The following LRFN2 variants were observed in gnomAD, a reference collection of about 807,000 sequenced individuals.
LRFN2 encodes the protein leucine rich repeat and fibronectin type III domain containing 2.
A neutral mutation model predicts 37.3 loss-of-function variants in LRFN2; 18 were observed. The ratio of observed to expected loss-of-function variants is 0.48; its 90% CI spans 0.33 to 0.72. The LOEUF (loss-of-function observed/expected upper bound fraction) is 0.72. Among genes scored for constraint, LRFN2 ranks in the 30% least tolerant of loss-of-function variants. The pLI, the probability that LRFN2 is intolerant of heterozygous loss-of-function variation, is 0.02. For synonymous variants in LRFN2, 556 were observed against 466.6 expected (o/e 1.19, Z -2.47); for missense variants, 1,006 against 1,060.7 (o/e 0.95, Z 0.72).
rs533199339 is a variant in LRFN2 at position 40,517,719 on chromosome 6, G to C, written c.-19+69222C>G. ...AGTCTGTGCAAAGCCTAATTAGGGG[G>C]GTTAATTAGCAGCCTCTCCTCGCAC... On this transcript the variant is annotated intron_variant, in intron 1 of 2. Transcript: ENST00000338305. Among the ~76,000 whole-genome samples the C allele has an allele frequency of 2.5e-3, 379 of 152,262 alleles. 1 individual carries two copies. The highest frequency in any genetic ancestry group is 4.5e-3 in the Non-Finnish European group (303 of 68,022).
At chr6:40,400,014 C>A (rs1461247290) in intron 2 of LRFN2, among the ~76,000 whole-genome samples, 1 of 151,756 alleles carries the variant, frequency 6.6e-6, no homozygotes. Context: ...AGTGGTCCCT[C>A]TTCCTTAGCA....
intron 1 of LRFN2, among the ~76,000 whole-genome samples, chr6:40,473,976 G>A (rs1326689842): frequency 2.6e-5 from 4 of 152,190 alleles, no homozygotes; most frequent in Admixed American, 2.0e-4. Context: ...CTCACTCACC[G>A]GAATGCAAAC....
chr6:40,556,358 C>A (rs1766877944), intron 1 of LRFN2, among the ~76,000 whole-genome samples: 4 of 152,184 alleles, frequency 2.6e-5, no homozygotes, highest in Admixed American at 2.6e-4. Flanking sequence ...AGGGGCCCTT[C>A]TGCTCAGAAG....
At chr6:40,577,110 T>TCTC (rs1554145948) in intron 1 of LRFN2, among the ~76,000 whole-genome samples, 864 of 45,084 alleles carry the variant, frequency 0.019, 17 homozygotes, top group Middle Eastern at 0.038. Context: ...TTTCCTTTCT[T>TCTC]TTCTTTTTAG....
At chr6:40,545,536 C>A (rs940309471) in intron 1 of LRFN2, among the ~76,000 whole-genome samples, 1 of 152,128 alleles carries the variant, frequency 6.6e-6, no homozygotes, top group Non-Finnish European at 1.5e-5. Context: ...TGGGTTACTG[C>A]CTGCAGTGGA....
chr6:40,420,468 C>G (rs1763199144), intron 2 of LRFN2, among the ~76,000 whole-genome samples: 1 of 152,246 alleles, frequency 6.6e-6, no homozygotes, highest in African/African-American at 2.4e-5. Flanking sequence ...AGGAAAGCAG[C>G]CCCATCAGCT....
chr6:40,564,148 T>G (rs1365128268), intron 1 of LRFN2, among the ~76,000 whole-genome samples: 2 of 152,144 alleles, frequency 1.3e-5, no homozygotes, highest in South Asian at 2.1e-4. Flanking sequence ...CCAATGTGGG[T>G]TCAGCTGAGT....
At chr6:40,574,719 G>A (rs1581801675) in intron 1 of LRFN2, among the ~76,000 whole-genome samples, 1 of 152,190 alleles carries the variant, frequency 6.6e-6, no homozygotes, top group East Asian at 1.9e-4. Context: ...CGGAGAGAGA[G>A]CAGGGCCCCA....
intron 1 of LRFN2, among the ~76,000 whole-genome samples, chr6:40,467,346 G>T (rs1169469270): frequency 6.6e-6 from 1 of 152,086 alleles, no homozygotes; most frequent in Non-Finnish European, 1.5e-5. Flanking sequence ...AGGCCCAGCT[G>T]CCTGTGTCCT....
At chr6:40,557,359 G>A (rs935109538) in intron 1 of LRFN2, among the ~76,000 whole-genome samples, 1 of 152,202 alleles carries the variant, frequency 6.6e-6, no homozygotes, top group Non-Finnish European at 1.5e-5. Context: ...ACAGAGCTAT[G>A]GGGGTTCAGA....
At chr6:40,532,182 C>T (rs1478431216) in intron 1 of LRFN2, among the ~76,000 whole-genome samples, 1 of 152,214 alleles carries the variant, frequency 6.6e-6, no homozygotes, top group Non-Finnish European at 1.5e-5. Context: ...TTGGAGCTGC[C>T]TTCCCCTTTG....
chr6:40,440,205 AT>A (rs1236089885), intron 1 of LRFN2, among the ~76,000 whole-genome samples: 1 of 152,166 alleles, frequency 6.6e-6, no homozygotes, highest in Non-Finnish European at 1.5e-5. Context: ...TTAAACTTCT[AT>A]TGTGCAAGAT....
intron 2 of LRFN2, among the ~76,000 whole-genome samples, chr6:40,396,882 A>G (rs1172887357): frequency 6.6e-6 from 1 of 152,300 alleles, no homozygotes; most frequent in East Asian, 1.9e-4. Flanking sequence ...GTATTTGCCT[A>G]GCACTTACTT....
intron 2 of LRFN2, among the ~76,000 whole-genome samples, chr6:40,418,479 GCTGTGC>G (rs1380036871): frequency 6.6e-6 from 1 of 152,106 alleles, no homozygotes; most frequent in Non-Finnish European, 1.5e-5. Context: ...CTAGGCAAGA[GCTGTGC>G]CTGTCTTTTC....
chr6:40,577,807 A>AAATT (rs1189804426), intron 1 of LRFN2, among the ~76,000 whole-genome samples: 17 of 106,878 alleles, frequency 1.6e-4, no homozygotes, highest in Non-Finnish European at 2.6e-4. Context: ...AAATAAATAA[A>AAATT]TAAAAATTAA....
intron 2 of LRFN2, among the ~76,000 whole-genome samples, chr6:40,424,257 G>T: frequency 6.6e-6 from 1 of 152,192 alleles, no homozygotes; most frequent in Non-Finnish European, 1.5e-5. Context: ...ACTGAGTCTC[G>T]ACTAAAGCTG....
chr6:40,406,374 G>A (rs951401426), intron 2 of LRFN2, among the ~76,000 whole-genome samples: 18 of 152,338 alleles, frequency 1.2e-4, no homozygotes, highest in South Asian at 1.0e-3. Flanking sequence ...CAGGCCAGCC[G>A]TCTGAGGTCT....
chr6:40,570,025 C>A (rs910455505), intron 1 of LRFN2, among the ~76,000 whole-genome samples: 1 of 152,114 alleles, frequency 6.6e-6, no homozygotes, highest in Non-Finnish European at 1.5e-5. Flanking sequence ...TGGTTCTCAA[C>A]CCTAGAATCA....
At chr6:40,460,491 A>C (rs1356933206) in intron 1 of LRFN2, among the ~76,000 whole-genome samples, 2 of 152,194 alleles carry the variant, frequency 1.3e-5, no homozygotes, top group African/African-American at 2.4e-5. Context: ...GGAGAGCTGG[A>C]TTCAGCCCAG....
Sources: gnomAD v4.1 joint callset for allele counts (sites outside exome capture counted in the v4.1 genomes callset) on GRCh38, gnomAD v4.1.1 for gene constraint, MANE v1.5 for transcripts, NCBI Gene and HGNC (gene_info 2026-07-23, HGNC 2026-07-21) for gene names.